APBB2: variants seen among roughly 807,000 people sequenced by gnomAD.
The protein encoded by APBB2 is amyloid beta precursor protein binding family B member 2.
In APBB2, 38 loss-of-function variants were observed where a neutral mutation model predicts 82.5. The ratio of observed to expected loss-of-function variants is 0.46; its 90% CI spans 0.36 to 0.60. The LOEUF is 0.60. Ranked by LOEUF, APBB2 falls within the 20% of genes least tolerant of loss-of-function variation. The pLI, the probability that APBB2 is intolerant of heterozygous loss-of-function variation, is 0.00. For missense variants in APBB2, 772 were observed against 972.3 expected (o/e 0.79, Z 2.74); for synonymous variants, 341 against 368.2 (o/e 0.93, Z 0.85).
chr4:40,930,439 G>A (rs1473617955), intron 10 of APBB2, among the ~76,000 whole-genome samples: 1 of 40,950 alleles, frequency 2.4e-5, no homozygotes, highest in Non-Finnish European at 5.5e-5. Flanking sequence ...GTGTGTGTGT[G>A]TGTGTGTGTG....
rs773371285 is a variant in APBB2 at position 40,944,949 on chromosome 4, C to A, written c.960G>T (p.Arg320=). ...HIPTGTTQWE[R]PVSIPADLQG... ...GGAGATCTGCTGGGATGGAGACGGG[C>A]CGTTCCCACTGAGTCGTTCCTGTTG... is the stretch of plus-strand genomic sequence containing the variant. Residue 320 remains arginine, a synonymous_variant, in exon 7 of 18, where the codon CGG becomes CGT. Coordinates refer to ENST00000508593, the MANE Select transcript of APBB2 (RefSeq NM_004307.2). 13 of 1,613,978 alleles carry A rather than the reference C, an allele frequency of 8.1e-6. No individual in the cohort carries two copies. The highest frequency in any genetic ancestry group is 1.1e-5 in the Non-Finnish European group (13 of 1,180,034).
At chr4:41,074,188 G>A (rs1366076855) in intron 3 of APBB2, among the ~76,000 whole-genome samples, 2 of 152,062 alleles carry the variant, frequency 1.3e-5, no homozygotes, top group Admixed American at 6.6e-5. Context: ...AAGGAATAAA[G>A]TTGTTATTTT....
chr4:40,979,859 T>C (rs938370377), intron 6 of APBB2, among the ~76,000 whole-genome samples: 3 of 152,236 alleles, frequency 2.0e-5, no homozygotes, highest in Non-Finnish European at 2.9e-5. Context: ...CAACAGAGCA[T>C]GCAGCTCATC....
At chr4:41,202,793 T>C (rs761020534) in intron 1 of APBB2, among the ~76,000 whole-genome samples, 1 of 152,228 alleles carries the variant, frequency 6.6e-6, no homozygotes. Context: ...TTAAACTACC[T>C]GAAGTTTCGC....
At chr4:40,870,116 A>G (rs1259496045) in intron 12 of APBB2, among the ~76,000 whole-genome samples, 1 of 152,168 alleles carries the variant, frequency 6.6e-6, no homozygotes, top group African/African-American at 2.4e-5. Context: ...GAAATGAAAT[A>G]ATCCTTCTAG....
chr4:40,827,052 C>T, intron 14 of APBB2, 80 bp downstream of exon 14: 1 of 1,311,558 alleles, frequency 7.6e-7, no homozygotes, highest in East Asian at 2.3e-5. Flanking sequence ...CTTGAAATAC[C>T]AGAGAACCAT....
chr4:41,086,687 T>C (rs1276264282), intron 3 of APBB2, among the ~76,000 whole-genome samples: 1 of 152,170 alleles, frequency 6.6e-6, no homozygotes, highest in Admixed American at 6.5e-5. Context: ...AGGTCATATA[T>C]GAAAAGCCCA....
At chr4:41,130,729 G>A (rs527960145) in intron 2 of APBB2, among the ~76,000 whole-genome samples, 1 of 152,116 alleles carries the variant, frequency 6.6e-6, no homozygotes, top group African/African-American at 2.4e-5. Flanking sequence ...CAGTCTCCTC[G>A]AGTGCCTACC....
rs1261990815 is a variant in APBB2, at chr4:41,201,355, T to C, written c.-417+13050A>G. Among the ~76,000 whole-genome samples, 4 of 152,308 alleles carry C rather than the reference T, an allele frequency of 2.6e-5. No individual in the cohort carries two copies. The South Asian group carries it at 6.2e-4, about 24-fold the overall frequency. On this transcript the variant is annotated intron_variant, in intron 1 of 17. Transcript: ENST00000508593. Reference sequence around the variant, plus strand: ...CAGGTAAGAATAAAAACCCAAACCATGTAGTTGAATAAAAAGCATTTTAAA... The same window carrying C: ...CAGGTAAGAATAAAAACCCAAACCACGTAGTTGAATAAAAAGCATTTTAAA...
intron 1 of APBB2, among the ~76,000 whole-genome samples, chr4:41,169,603 AAGG>A (rs980423752): frequency 3.9e-5 from 6 of 152,230 alleles, no homozygotes; most frequent in African/African-American, 9.6e-5. Flanking sequence ...AGCTTCCAAA[AAGG>A]AGAACTGGAA....
chr4:41,178,416 T>C (rs1288839146), intron 1 of APBB2, among the ~76,000 whole-genome samples: 7 of 152,156 alleles, frequency 4.6e-5, no homozygotes, highest in Admixed American at 4.6e-4. Context: ...TCCGGTACCC[T>C]GTACTTTAAA....
chr4:40,876,661 T>G (rs1430093695), intron 12 of APBB2, among the ~76,000 whole-genome samples: 1 of 152,246 alleles, frequency 6.6e-6, no homozygotes, highest in Non-Finnish European at 1.5e-5. Flanking sequence ...TCTAGATTAC[T>G]TATAATACCT....
intron 3 of APBB2, among the ~76,000 whole-genome samples, chr4:41,099,783 G>A (rs1160520305): frequency 6.6e-6 from 1 of 152,066 alleles, no homozygotes; most frequent in Non-Finnish European, 1.5e-5. Flanking sequence ...AGTTTAGAAA[G>A]CTATCTAGTA....
chr4:40,873,508 C>A (rs1397794376), intron 12 of APBB2, among the ~76,000 whole-genome samples: 2 of 152,172 alleles, frequency 1.3e-5, no homozygotes, highest in Non-Finnish European at 2.9e-5. Flanking sequence ...TTCCTTTAGG[C>A]AAGAAGGAGC....
chr4:41,049,231 A>C (rs201344433), intron 4 of APBB2, among the ~76,000 whole-genome samples: 2 of 137,786 alleles, frequency 1.5e-5, no homozygotes, highest in Admixed American at 7.1e-5. Flanking sequence ...GCCTCTGCCC[A>C]GCCGCGACCC....
At chr4:40,972,020 A>T (rs1237480235) in intron 6 of APBB2, among the ~76,000 whole-genome samples, 2 of 152,220 alleles carry the variant, frequency 1.3e-5, no homozygotes, top group African/African-American at 2.4e-5. Context: ...ACATCGAACA[A>T]AAGTGCTCTC....
intron 6 of APBB2, among the ~76,000 whole-genome samples, chr4:41,012,591 T>C (rs1808699084): frequency 6.6e-6 from 1 of 152,176 alleles, no homozygotes; most frequent in East Asian, 1.9e-4. Flanking sequence ...TTAAACAAGT[T>C]AATGTCTTAA....
chr4:40,978,926 AT>A (rs34025967), intron 6 of APBB2, among the ~76,000 whole-genome samples: 3 of 150,938 alleles, frequency 2.0e-5, no homozygotes, highest in African/African-American at 4.9e-5. Flanking sequence ...GGAACTCATG[AT>A]TTTTTTTTTA....
chr4:40,830,427 G>C, intron 13 of APBB2, 36 bp downstream of exon 13: 2 of 1,439,158 alleles, frequency 1.4e-6, no homozygotes, highest in Non-Finnish European at 2.0e-6. Context: ...AAGAAAAAAA[G>C]AGAGAGGCGG....
Sources: allele counts gnomAD v4.1 joint callset (sites outside exome capture counted in the v4.1 genomes callset), GRCh38; gene constraint gnomAD v4.1.1; transcripts MANE v1.5; gene names NCBI Gene and HGNC (gene_info 2026-07-23, HGNC 2026-07-21).